ABCA12: variants seen among roughly 807,000 people sequenced by gnomAD.
ABCA12 encodes glucosylceramide transporter ABCA12.
A neutral mutation model predicts 293.5 loss-of-function variants in ABCA12; 156 were observed. The ratio of observed to expected loss-of-function variants is 0.53; its 90% CI spans 0.47 to 0.61. The LOEUF is 0.61. ABCA12 is among the 20% of genes least tolerant of loss of function. The pLI, the probability that ABCA12 is intolerant of heterozygous loss-of-function variation, is 0.00. For missense variants in ABCA12, 2,797 were observed against 3,090.2 expected, an observed-to-expected ratio of 0.91 and a Z score of 2.25; for synonymous variants, 1,063 against 1,108.0, an observed-to-expected ratio of 0.96 and a Z score of 0.81.
At chr2:215,032,708 AG>A (rs1318437657) in intron 8 of ABCA12, 1 of 152,006 alleles carries the variant, frequency 6.6e-6, no homozygotes, top group Admixed American at 6.6e-5. Context: ...CAGCTCCTTT[AG>A]GGAAATGATA....
intron 22 of ABCA12, among the ~76,000 whole-genome samples, chr2:214,998,580 G>T (rs1700081604): frequency 6.6e-6 from 1 of 152,158 alleles, no homozygotes; most frequent in African/African-American, 2.4e-5. Context: ...GAGAATCACT[G>T]GAAGACATCC....
At chr2:215,032,215 A>G in intron 8 of ABCA12, 4 of 678,374 alleles carry the variant, frequency 5.9e-6, no homozygotes, top group Non-Finnish European at 8.0e-6. Context: ...GCTAAGTACT[A>G]TAATGAAGAT....
chr2:215,114,015 G>T (rs1055841222), intron 1 of ABCA12, among the ~76,000 whole-genome samples: 1 of 151,812 alleles, frequency 6.6e-6, no homozygotes, highest in East Asian at 1.9e-4. Flanking sequence ...TTGCTCTGTC[G>T]CCAGGCTGGA....
chr2:215,090,112 C>A (rs947307689), intron 2 of ABCA12, among the ~76,000 whole-genome samples: 6 of 152,134 alleles, frequency 3.9e-5, no homozygotes, highest in African/African-American at 1.4e-4. Context: ...TGACCCCTGC[C>A]CCTGCCTGCA....
intron 2 of ABCA12, among the ~76,000 whole-genome samples, chr2:215,084,164 T>C (rs1162802546): frequency 6.6e-6 from 1 of 152,054 alleles, no homozygotes; most frequent in East Asian, 1.9e-4. Context: ...TTTGTTTTGT[T>C]TTGTGTATAA....
At chr2:215,114,736 T>C (rs1163939136) in intron 1 of ABCA12, among the ~76,000 whole-genome samples, 1 of 152,232 alleles carries the variant, frequency 6.6e-6, no homozygotes, top group Non-Finnish European at 1.5e-5. Context: ...CAAGGTATCG[T>C]CTTTATTTTA....
At chr2:215,120,541 G>A (rs139089938) in intron 1 of ABCA12, among the ~76,000 whole-genome samples, 155 of 152,254 alleles carry the variant, frequency 1.0e-3, no homozygotes, top group Admixed American at 4.3e-3. Flanking sequence ...TGGATGGAGC[G>A]TAAGAAAGAA....
At position 215,111,583 on chromosome 2, in the gene ABCA12, TG is replaced by T; in HGVS notation, c.163+13del. On this transcript the variant is annotated intron_variant, in intron 2 of 52. Coordinates refer to ENST00000272895, the MANE Select transcript of ABCA12 (RefSeq NM_173076.3). ...TCCAAAAATTAAGGAAATAAACAAA[TG>T]TCATTTACTTACAAGTTGGTTTTGC... 1 of 1,570,470 alleles carries T rather than the reference TG, an allele frequency of 6.4e-7. No homozygotes were observed. Among genetic ancestry groups the T allele is most frequent in the South Asian group, 1.1e-5 (1 of 89,576 alleles).
chr2:215,051,900 T>C (rs1701328145), intron 5 of ABCA12, among the ~76,000 whole-genome samples: 1 of 152,002 alleles, frequency 6.6e-6, no homozygotes, highest in Non-Finnish European at 1.5e-5. Context: ...TTCAATTTCT[T>C]AAAATCTCCG....
intron 14 of ABCA12, among the ~76,000 whole-genome samples, chr2:215,016,526 T>A (rs1418884524): frequency 8.1e-6 from 1 of 123,646 alleles, no homozygotes; most frequent in Non-Finnish European, 1.6e-5. Flanking sequence ...GAGCTTGCAG[T>A]GAGCGGAGAT....
At chr2:215,033,393 A>G (rs1275520187) in intron 8 of ABCA12, among the ~76,000 whole-genome samples, 2 of 152,210 alleles carry the variant, frequency 1.3e-5, no homozygotes, top group African/African-American at 4.8e-5. Context: ...TATTTGTAAT[A>G]CTATGTGGTT....
chr2:214,996,833 T>C (rs1421913278), intron 23 of ABCA12, among the ~76,000 whole-genome samples: 1 of 152,286 alleles, frequency 6.6e-6, no homozygotes, highest in Non-Finnish European at 1.5e-5. Flanking sequence ...AAAGGACAAG[T>C]GGATGGACGG....
chr2:215,075,501 A>T (rs1352063204), intron 2 of ABCA12: 5 of 681,350 alleles, frequency 7.3e-6, no homozygotes, highest in Non-Finnish European at 1.3e-5. Flanking sequence ...CTAGCTTTGC[A>T]AATGATTTAT....
intron 33 of ABCA12, 94 bp downstream of exon 33, chr2:214,978,220 TTA>T (rs1257978195): frequency 2.6e-5 from 37 of 1,426,420 alleles, no homozygotes; most frequent in Admixed American, 3.6e-5. Context: ...GAATGAAACT[TTA>T]GAGTTGAATT....
intron 11 of ABCA12, chr2:215,022,601 T>A (rs1332569143): frequency 1.3e-5 from 2 of 152,178 alleles, no homozygotes; most frequent in African/African-American, 2.4e-5. Context: ...GTAGAGCCCT[T>A]CTCTCTTTTA....
At chr2:215,070,666 A>G (rs1701719889) in intron 2 of ABCA12, among the ~76,000 whole-genome samples, 1 of 151,596 alleles carries the variant, frequency 6.6e-6, no homozygotes, top group African/African-American at 2.4e-5. Flanking sequence ...TAGTTTACTG[A>G]GAATGATGAT....
At chr2:214,933,980 A>G in intron 52 of ABCA12, 98 bp downstream of exon 52, 1 of 1,337,676 alleles carries the variant, frequency 7.5e-7, no homozygotes, top group Middle Eastern at 2.6e-4. Context: ...TATTAATTCA[A>G]TTAAAAACAA....
At chr2:214,974,686 A>T in intron 35 of ABCA12, 92 bp downstream of exon 35, 1 of 1,225,364 alleles carries the variant, frequency 8.2e-7, no homozygotes, top group Non-Finnish European at 1.2e-6. Context: ...GCTTTCTTCC[A>T]GGCAAATAAC....
At chr2:214,974,097 T>A (rs1699453308) in intron 35 of ABCA12, 55 bp from the exon 36 acceptor site, 1 of 1,439,616 alleles carries the variant, frequency 6.9e-7, no homozygotes, top group African/African-American at 1.4e-5. Flanking sequence ...GTTCTCATGT[T>A]TACATATGAG....
Sources: gnomAD v4.1 joint callset for allele counts (sites outside exome capture counted in the v4.1 genomes callset) on GRCh38, gnomAD v4.1.1 for gene constraint, MANE v1.5 for transcripts, NCBI Gene and HGNC (gene_info 2026-07-23, HGNC 2026-07-21) for gene names.